Variants in CUL2 observed in about 807,000 individuals in gnomAD.
CUL2 encodes cullin-2.
CUL2 carries 22 observed loss-of-function variants against 110.2 expected under a neutral mutation model. The ratio of observed to expected loss-of-function variants is 0.20; its 90% CI spans 0.14 to 0.28. CUL2 has a LOEUF of 0.28. Among genes scored for constraint, CUL2 ranks in the 10% least tolerant of loss-of-function variants. The pLI is 1.00. For missense variants in CUL2, 631 were observed against 905.5 expected (o/e 0.70, Z 3.89); for synonymous variants, 279 against 293.2 (o/e 0.95, Z 0.49).
chr10:35,076,955 G>C (rs2086833786), intron 1 of CUL2, among the ~76,000 whole-genome samples: 1 of 152,092 alleles, frequency 6.6e-6, no homozygotes, highest in African/African-American at 2.4e-5. Context: ...CGGAGGCTGA[G>C]GCAGGAGAAT....
At chr10:35,057,535 C>A (rs1290646208) in intron 4 of CUL2, among the ~76,000 whole-genome samples, 1 of 151,638 alleles carries the variant, frequency 6.6e-6, no homozygotes, top group African/African-American at 2.4e-5. Flanking sequence ...TGCCTGTAAT[C>A]CCAGCTACTC....
At chr10:35,062,673 A>AAAAC (rs915900047) in intron 3 of CUL2, among the ~76,000 whole-genome samples, 1 of 151,064 alleles carries the variant, frequency 6.6e-6, no homozygotes, top group African/African-American at 2.4e-5. Flanking sequence ...TCTCTACCAA[A>AAAAC]AAAAAAAAAA....
intron 1 of CUL2, among the ~76,000 whole-genome samples, chr10:35,083,241 G>T (rs757201046): frequency 6.6e-6 from 1 of 151,984 alleles, no homozygotes; most frequent in Non-Finnish European, 1.5e-5. Flanking sequence ...AAATAAAGGG[G>T]AAAGGCAAGC....
chr10:35,044,650 G>T lies in CUL2; in HGVS notation c.630C>A (p.Pro210=). The change falls in exon 8 of 21, where the codon CCC becomes CCA. Residue 210 remains proline (P), a synonymous_variant. Coordinates refer to ENST00000374749, the MANE Select transcript of CUL2 (RefSeq NM_003591.4). ...LKFYQEIFES[P]FLTETGEYYK... is the part of the protein sequence containing the mutation. Reference sequence around the variant, plus strand: ...AATACTCTCCTGTTTCAGTCAGAAAGGGAGACTCAAAAATTTCCTGATAAA... The same window carrying T: ...AATACTCTCCTGTTTCAGTCAGAAATGGAGACTCAAAAATTTCCTGATAAA... The T allele has an allele frequency of 6.2e-7, 1 of 1,609,388 alleles. No individual in the cohort carries two copies. The highest frequency in any genetic ancestry group is 1.1e-5 in the South Asian group (1 of 89,938).
chr10:35,085,166 C>T (rs1360774619), intron 1 of CUL2, among the ~76,000 whole-genome samples: 1 of 151,952 alleles, frequency 6.6e-6, no homozygotes, highest in African/African-American at 2.4e-5. Context: ...TGGTGGCTCA[C>T]ACCTGTAATC....
At chr10:35,083,688 A>G (rs1222141285) in intron 1 of CUL2, among the ~76,000 whole-genome samples, 1 of 152,206 alleles carries the variant, frequency 6.6e-6, no homozygotes, top group Non-Finnish European at 1.5e-5. Flanking sequence ...CAACAAAATA[A>G]TGAATGATAG....
At chr10:35,096,966 T>C (rs1395609006) in intron 2 of CUL2, among the ~76,000 whole-genome samples, 1 of 152,022 alleles carries the variant, frequency 6.6e-6, no homozygotes, top group African/African-American at 2.4e-5. Flanking sequence ...CCTTCCACCA[T>C]ACTCGGCTAT....
intron 20 of CUL2, among the ~76,000 whole-genome samples, chr10:35,011,261 C>G: frequency 6.7e-6 from 1 of 148,980 alleles, no homozygotes; most frequent in African/African-American, 2.5e-5. Flanking sequence ...CTGTGTTGCC[C>G]AGGCTGGTCT....
chr10:35,013,171 T>C lies in CUL2; in HGVS notation c.1989+528A>G, dbSNP rs149107302. 4.9e-3 allele frequency among the ~76,000 whole-genome samples: 740 copies of C among 152,164 alleles called. 6 individuals are homozygous for C. The highest frequency in any genetic ancestry group is 7.6e-3 in the Non-Finnish European group (519 of 68,008). On this transcript the variant is annotated intron_variant, in intron 19 of 20. Transcript: ENST00000374749. The stretch of plus-strand genomic sequence containing the variant: ...CTGGCTAACACAGTGAAACCCCGTC[T>C]ATACTAAAAGTACAAAAAACAAAAT...
At chr10:35,061,048 T>C (rs2086368284) in intron 3 of CUL2, 80 bp from the exon 4 acceptor site, 5 of 1,395,668 alleles carry the variant, frequency 3.6e-6, no homozygotes, top group Non-Finnish European at 4.9e-6. Context: ...TCAAAATTAA[T>C]GTTCTAAAAT....
chr10:35,010,270 A>G lies in CUL2; in HGVS notation c.*41T>C. 1 of 1,536,764 alleles carries G rather than the reference A, an allele frequency of 6.5e-7. No individual in the cohort carries two copies. The highest frequency in any genetic ancestry group is 8.8e-7 in the Non-Finnish European group (1 of 1,138,052). On this transcript the variant is annotated 3_prime_UTR_variant, in exon 21 of 21. Transcript: ENST00000374749. ...TCCCACAGGAACACACCAAATGGTGATGGCAATGATCTTCTCACACCACGC... is the reference window on the plus strand; with the variant it reads ...TCCCACAGGAACACACCAAATGGTGGTGGCAATGATCTTCTCACACCACGC...
intron 1 of CUL2, among the ~76,000 whole-genome samples, chr10:35,082,610 A>T (rs1187963900): frequency 6.6e-6 from 1 of 152,182 alleles, no homozygotes; most frequent in Non-Finnish European, 1.5e-5. Context: ...ACAGGTACAA[A>T]GTTCTGATGT....
At chr10:35,049,635 C>G in intron 6 of CUL2, 48 bp downstream of exon 6, 1 of 1,501,626 alleles carries the variant, frequency 6.7e-7, no homozygotes, top group Non-Finnish European at 9.2e-7. Flanking sequence ...AAAACCATAT[C>G]AAACAACAAA....
At chr10:35,086,454 AT>A (rs1442072584) in intron 1 of CUL2, among the ~76,000 whole-genome samples, 1 of 151,942 alleles carries the variant, frequency 6.6e-6, no homozygotes, top group East Asian at 1.9e-4. Flanking sequence ...CACCTGGCTA[AT>A]TTCTGTATTT....
In CUL2 at chr10:35,047,905, C is replaced by CA. The variant is rs112275238; in HGVS notation, c.506+1777dup. ...AGTAGACAGAGTGGGAATCCTGTCT[C>CA]AAAAAAAAAAAGGAAAAAAGGACAG... is the stretch of plus-strand genomic sequence containing the variant. On this transcript the variant is annotated intron_variant, in intron 6 of 20. Coordinates refer to ENST00000374749, the MANE Select transcript of CUL2 (RefSeq NM_003591.4). 7.0e-3 allele frequency among the ~76,000 whole-genome samples: 952 copies of CA among 135,974 alleles called. 10 individuals carry two copies. The highest frequency in any genetic ancestry group is 0.023 in the African/African-American group (834 of 37,038). The allele number at this position is 135,974 out of a possible 152,430, so 89.2% of individuals were successfully genotyped here. A position where few individuals can be genotyped will look rare whatever the true frequency, so the allele number is the denominator to read the frequency against.
chr10:35,087,358 C>T (rs2087089769), intron 1 of CUL2, among the ~76,000 whole-genome samples: 1 of 152,186 alleles, frequency 6.6e-6, no homozygotes, highest in African/African-American at 2.4e-5. Context: ...CTCTCCATAT[C>T]CATTTTCCTC....
chr10:35,020,319 T>G (rs532586881), intron 17 of CUL2, among the ~76,000 whole-genome samples: 4 of 152,308 alleles, frequency 2.6e-5, no homozygotes, highest in Admixed American at 2.6e-4. Context: ...ATTAGTGACC[T>G]CTGACAGTCA....
intron 19 of CUL2, 74 bp from the exon 20 acceptor site, chr10:35,012,038 C>A: frequency 1.2e-6 from 1 of 829,094 alleles, no homozygotes. Context: ...TTCATTTTAT[C>A]AGTGAGTGCA....
chr10:35,041,296 T>A (rs2085779669), intron 8 of CUL2, among the ~76,000 whole-genome samples: 1 of 151,976 alleles, frequency 6.6e-6, no homozygotes, highest in African/African-American at 2.4e-5. Flanking sequence ...AAAACAATGA[T>A]AACTTGGGAG....
Sources: gnomAD v4.1 joint callset for allele counts (sites outside exome capture counted in the v4.1 genomes callset) on GRCh38, gnomAD v4.1.1 for gene constraint, MANE v1.5 for transcripts, NCBI Gene and HGNC (gene_info 2026-07-23, HGNC 2026-07-21) for gene names.